The following RYR2 variants were observed in gnomAD, a reference collection of about 807,000 sequenced individuals.
RYR2 encodes the protein ryanodine receptor 2, also known as cardiac muscle ryanodine receptor-calcium release channel.
In RYR2, 227 loss-of-function variants were observed where a neutral mutation model predicts 601.1. That is an observed-to-expected ratio of 0.38 (90% confidence interval 0.34 to 0.42). The LOEUF (loss-of-function observed/expected upper bound fraction) is 0.42, where lower values mean the gene tolerates loss of function less well. Ranked by LOEUF, RYR2 falls within the 10% of genes least tolerant of loss-of-function variation. The pLI, the probability that RYR2 is intolerant of heterozygous loss-of-function variation, is 1.00. For synonymous variants in RYR2, 2,223 were observed against 2,175.1 expected, an observed-to-expected ratio of 1.02 and a Z score of -0.61; for missense variants, 4,646 against 6,156.5, an observed-to-expected ratio of 0.75 and a Z score of 8.21.
chr1:237,610,918 C>T lies in RYR2; in HGVS notation c.4840C>T (p.Arg1614Cys), dbSNP rs373079767. 1.3e-5 allele frequency: 21 copies of T among 1,613,482 alleles called. No individual in the cohort carries two copies. The East Asian group carries it at 2.9e-4, about 22-fold the overall frequency. ...LKVDVSRISE[R>C]QGWLVQCLDP... is the part of the protein sequence containing the mutation. ...GGTAGATGTGTCTCGAATAAGTGAACGCCAAGGCTGGTTGGTGCAGTGTTT... is the reference window on the plus strand; with the variant it reads ...GGTAGATGTGTCTCGAATAAGTGAATGCCAAGGCTGGTTGGTGCAGTGTTT... Residue 1614 changes from arginine to cysteine, a missense_variant, in exon 36 of 105, where the codon CGC becomes TGC. Around this residue, in one of 17 missense-constraint regions of RYR2, gnomAD observed 1,807 missense variants for 2,088.1 expected, o/e 0.87. Transcript: ENST00000366574. This position sits in a 1 kb window ranked among gnomAD's most constrained non-coding sequence, Gnocchi z 4.9.
chr1:237,208,054 G>A (rs1362599462), intron 1 of RYR2, among the ~76,000 whole-genome samples: 1 of 152,210 alleles, frequency 6.6e-6, no homozygotes, highest in Non-Finnish European at 1.5e-5. Context: ...ACTGATGTTG[G>A]TTGACCAGCG....
At chr1:237,542,233 G>A (rs970950068) in intron 25 of RYR2, among the ~76,000 whole-genome samples, 46 of 152,046 alleles carry the variant, frequency 3.0e-4, no homozygotes, top group African/African-American at 1.0e-3. Flanking sequence ...AGCTGGGATT[G>A]GAGGCATGCA....
chr1:237,677,997 C>T (rs1685549426), intron 60 of RYR2, 51 bp from the exon 61 acceptor site: 23 of 1,042,964 alleles, frequency 2.2e-5, no homozygotes, highest in Non-Finnish European at 3.4e-5. Flanking sequence ...GGATGAATAT[C>T]TTGCAATGTT....
chr1:237,403,326 A>G (rs1485576907), intron 10 of RYR2, among the ~76,000 whole-genome samples: 3 of 152,242 alleles, frequency 2.0e-5, no homozygotes, highest in Non-Finnish European at 4.4e-5. Flanking sequence ...TTTGCAGTTG[A>G]TTTCAACTCA....
intron 25 of RYR2, among the ~76,000 whole-genome samples, chr1:237,545,207 G>T (rs1203858786): frequency 6.6e-6 from 1 of 152,154 alleles, no homozygotes; most frequent in South Asian, 2.1e-4. Flanking sequence ...AATCTGTATG[G>T]GAAGAAAACA....
Position 237,610,702 on chromosome 1 carries a change from A to G in RYR2, c.4684-60A>G. 1 of 1,364,394 alleles carries G rather than the reference A, an allele frequency of 7.3e-7. No individual in the cohort carries two copies. Among genetic ancestry groups the G allele is most frequent in the Non-Finnish European group, 1.0e-6 (1 of 989,594 alleles). 84.5% of individuals were successfully genotyped at this position (1,364,394 alleles called of 1,614,324 possible). A position where few individuals can be genotyped will look rare whatever the true frequency, so the allele number is the denominator to read the frequency against. On this transcript the variant is annotated intron_variant, in intron 35 of 104. Transcript: ENST00000366574. The surrounding 1 kb of genome is among the most constrained non-coding windows in gnomAD (Gnocchi z 4.9). ...TGTCCTGTGCAGAATTCTAGTCATT[A>G]CTTTGTGAACCCCAAGGGATGTTCT... is the stretch of plus-strand genomic sequence containing the variant.
chr1:237,509,694 T>C (rs1665681963), intron 23 of RYR2, among the ~76,000 whole-genome samples: 1 of 152,218 alleles, frequency 6.6e-6, no homozygotes, highest in Admixed American at 6.5e-5. Flanking sequence ...GCGCTTCCTC[T>C]TTAGTTGAAT....
intron 1 of RYR2, among the ~76,000 whole-genome samples, chr1:237,209,516 T>TGTGTGTGTGTGTGTGTGTA (rs1260539665): frequency 6.1e-5 from 9 of 148,102 alleles, no homozygotes; most frequent in South Asian, 2.1e-4. Context: ...TGTGTGTGTA[T>TGTGTGTGTGTGTGTGTGTA]TTTTTTTTTT....
chr1:237,772,143 A>G (rs1396069307), intron 86 of RYR2, 43 bp downstream of exon 86: 2 of 1,060,344 alleles, frequency 1.9e-6, no homozygotes, highest in Non-Finnish European at 1.4e-6. Flanking sequence ...AAGGGTTGGT[A>G]TGTTGAAACA....
intron 101 of RYR2, among the ~76,000 whole-genome samples, chr1:237,827,872 GC>G (rs1663317622): frequency 7.1e-6 from 1 of 141,416 alleles, no homozygotes; most frequent in South Asian, 2.3e-4. Context: ...GGGAGGCGGA[GC>G]TTGCAGTGAG....
chr1:237,492,974 A>G lies in RYR2; in HGVS notation c.1848A>G (p.Ser616=). 6.3e-7 allele frequency: 1 copy of G among 1,598,724 alleles called. No homozygotes were observed. The highest frequency in any genetic ancestry group is 8.5e-7 in the Non-Finnish European group (1 of 1,171,052). ...RNHKVLDVLC[S]LCVCHGVAVR... ...TTCAGGTTCTGGATGTCTTGTGCTC[A>G]CTCTGTGTTTGCCACGGGGTTGCAG... Residue 616 remains serine, a synonymous_variant, in exon 19 of 105, where the codon TCA becomes TCG. Transcript: ENST00000366574.
intron 1 of RYR2, among the ~76,000 whole-genome samples, chr1:237,255,492 G>T (rs1484484500): frequency 6.6e-6 from 1 of 152,078 alleles, no homozygotes; most frequent in Non-Finnish European, 1.5e-5. Flanking sequence ...TAGTTTAGGG[G>T]ATTTATAACA....
intron 1 of RYR2, among the ~76,000 whole-genome samples, chr1:237,107,538 G>GAAAAAAAAAAAAAAAAA: frequency 1.8e-5 from 1 of 56,798 alleles, no homozygotes; most frequent in Non-Finnish European, 4.8e-5. Context: ...AAAAAAAAAG[G>GAAAAAAAAAAAAAAAAA]AAACATTGTA....
intron 3 of RYR2, among the ~76,000 whole-genome samples, chr1:237,355,687 G>A (rs970118436): frequency 3.9e-5 from 6 of 152,222 alleles, no homozygotes; most frequent in Admixed American, 6.5e-5. Flanking sequence ...GTTCATGTTT[G>A]CTTTTAAATA....
chr1:237,392,621 T>C (rs1358714250), intron 10 of RYR2, among the ~76,000 whole-genome samples: 2 of 151,622 alleles, frequency 1.3e-5, no homozygotes, highest in African/African-American at 4.9e-5. Flanking sequence ...CAAAATTTTA[T>C]GTGAATATAA....
chr1:237,236,649 C>T (rs150933017), intron 1 of RYR2, among the ~76,000 whole-genome samples: 175 of 152,218 alleles, frequency 1.1e-3, no homozygotes, highest in African/African-American at 4.0e-3. Flanking sequence ...TGGAAGTGAG[C>T]AGGCAGCAAA....
chr1:237,678,951 A>T (rs1685628589), intron 61 of RYR2, among the ~76,000 whole-genome samples: 2 of 152,202 alleles, frequency 1.3e-5, no homozygotes, highest in African/African-American at 4.8e-5. Flanking sequence ...TTAAAATAGC[A>T]TGCTTTTTGA....
intron 1 of RYR2, among the ~76,000 whole-genome samples, chr1:237,136,869 T>C (rs1672841541): frequency 6.6e-6 from 1 of 151,610 alleles, no homozygotes; most frequent in South Asian, 2.1e-4. Context: ...TACAAAAAAT[T>C]AGCTGGGCAT....
chr1:237,831,534 TA>T lies in RYR2; in HGVS notation c.14780del (p.Asn4927ThrfsTer40). 6.4e-7 allele frequency: 1 copy of T among 1,569,824 alleles called. No individual in the cohort carries two copies. Among genetic ancestry groups the T allele is most frequent in the African/African-American group, 1.3e-5 (1 of 74,150 alleles). ...ANYLFFLMYL[I>X]NKDETEHTGQ... ...TGTAGGTTTTTTCTGATGTATCTTA[TA>T]AACAAAGATGAAACAGAACACACAG... On this transcript the variant is annotated frameshift_variant, in exon 104 of 105. Coordinates refer to ENST00000366574, the MANE Select transcript of RYR2 (RefSeq NM_001035.3). LOFTEE classifies it high-confidence loss of function.
Sources: allele counts gnomAD v4.1 joint callset (sites outside exome capture counted in the v4.1 genomes callset), GRCh38; gene constraint gnomAD v4.1.1; regional missense constraint gnomAD v4.1.1; non-coding constraint Gnocchi (gnomAD v3.1); transcripts MANE v1.5; gene names NCBI Gene and HGNC (gene_info 2026-07-23, HGNC 2026-07-21).